TBC1D32: variants seen among roughly 807,000 people sequenced by gnomAD.
The protein encoded by TBC1D32 is TBC1 domain family member 32.
A neutral mutation model predicts 170.3 loss-of-function variants in TBC1D32; 151 were observed. The ratio of observed to expected loss-of-function variants is 0.89; its 90% confidence interval spans 0.78 to 1.01. The LOEUF (loss-of-function observed/expected upper bound fraction) is 1.01. TBC1D32 is among the 50% of genes least tolerant of loss of function. The pLI, the probability that TBC1D32 is intolerant of heterozygous loss-of-function variation, is 0.00. For synonymous variants in TBC1D32, 498 were observed against 488.0 expected (o/e 1.02, Z -0.27); for missense variants, 1,464 against 1,457.1 (o/e 1.00, Z -0.08).
intron 30 of TBC1D32, among the ~76,000 whole-genome samples, chr6:121,097,245 T>C (rs1003505114): frequency 1.3e-5 from 2 of 151,906 alleles, no homozygotes; most frequent in African/African-American, 4.8e-5. Flanking sequence ...GAAAATATCA[T>C]CAAAGTGAAT....
At chr6:121,304,343 C>T in intron 8 of TBC1D32, 22 bp downstream of exon 8, 2 of 1,610,910 alleles carry the variant, frequency 1.2e-6, no homozygotes, top group Non-Finnish European at 1.7e-6. Flanking sequence ...TTTATGCTGG[C>T]ATACATTGGG....
At chr6:121,239,583 G>A (rs1796695777) in intron 19 of TBC1D32, among the ~76,000 whole-genome samples, 1 of 152,052 alleles carries the variant, frequency 6.6e-6, no homozygotes, top group Admixed American at 6.6e-5. Flanking sequence ...CAGAGGTGAG[G>A]GGAGGAGAGA....
chr6:121,325,552 G>GGGAAAACTGGCTAGCCATACGC (rs1337204756), intron 1 of TBC1D32, among the ~76,000 whole-genome samples: 1 of 152,152 alleles, frequency 6.6e-6, no homozygotes, highest in African/African-American at 2.4e-5. Context: ...AAATGGTGTT[G>GGGAAAACTGGCTAGCCATACGC]GGAAAACTGG....
intron 24 of TBC1D32, among the ~76,000 whole-genome samples, chr6:121,148,590 C>G (rs190435140): frequency 6.6e-6 from 1 of 152,040 alleles, no homozygotes; most frequent in African/African-American, 2.4e-5. Context: ...GAAGTTTACA[C>G]TGTGACCAAC....
chr6:121,117,604 AAGC>A (rs2128203816), intron 26 of TBC1D32, among the ~76,000 whole-genome samples: 1 of 152,270 alleles, frequency 6.6e-6, no homozygotes, highest in Admixed American at 6.5e-5. Context: ...TGGGAGGCTG[AAGC>A]AGAAGAATTG....
At chr6:121,087,879 C>T (rs413998) in intron 31 of TBC1D32, among the ~76,000 whole-genome samples, 1,808 of 151,288 alleles carry the variant, frequency 0.012, 44 homozygotes, top group African/African-American at 0.042. Context: ...ATATGTAGAG[C>T]GAGGGGATAA....
At chr6:121,148,128 C>A (rs1001955765) in intron 24 of TBC1D32, among the ~76,000 whole-genome samples, 4 of 152,014 alleles carry the variant, frequency 2.6e-5, no homozygotes, top group African/African-American at 9.7e-5. Context: ...AATGCTATCC[C>A]ACCCCTTGCC....
chr6:121,196,876 T>C (rs1322332211), intron 22 of TBC1D32, among the ~76,000 whole-genome samples: 1 of 151,930 alleles, frequency 6.6e-6, no homozygotes, highest in African/African-American at 2.4e-5. Flanking sequence ...AATTAAGGAG[T>C]AGAAGTGGAG....
chr6:121,121,344 A>G (rs886289336), intron 26 of TBC1D32, among the ~76,000 whole-genome samples: 2 of 152,054 alleles, frequency 1.3e-5, no homozygotes, highest in Non-Finnish European at 2.9e-5. Flanking sequence ...TTGGGCAGTT[A>G]ATGGTAATAA....
chr6:121,242,546 T>A (rs764437731), intron 17 of TBC1D32, among the ~76,000 whole-genome samples: 11 of 152,134 alleles, frequency 7.2e-5, no homozygotes, highest in African/African-American at 2.7e-4. Flanking sequence ...TCTATACCTA[T>A]AATTTCTCTT....
intron 20 of TBC1D32, among the ~76,000 whole-genome samples, chr6:121,227,316 C>T (rs1285559215): frequency 3.3e-5 from 5 of 152,104 alleles, no homozygotes; most frequent in Non-Finnish European, 7.4e-5. Context: ...AAGCCATCTT[C>T]AAATAGTTTT....
intron 3 of TBC1D32, among the ~76,000 whole-genome samples, chr6:121,317,098 C>T (rs1809042385): frequency 6.6e-6 from 1 of 152,098 alleles, no homozygotes; most frequent in Non-Finnish European, 1.5e-5. Context: ...TAACAATTCA[C>T]AACAACTTTC....
In TBC1D32 at chr6:121,332,953, A is replaced by C. The variant is rs376000559; in HGVS notation, c.155+1323T>G. On this transcript the variant is annotated intron_variant, in intron 1 of 31. Transcript: ENST00000398212. Reference sequence around the variant, plus strand: ...GAAATTAGAAACTCCATTATTAATGAAGATTCCTTTCACACTTTTTAAAAC... The same window carrying C: ...GAAATTAGAAACTCCATTATTAATGCAGATTCCTTTCACACTTTTTAAAAC... Among the ~76,000 whole-genome samples the C allele has an allele frequency of 3.9e-5, 6 of 152,228 alleles. No homozygotes were observed. The East Asian group carries it at 1.2e-3, about 29-fold the overall frequency.
intron 19 of TBC1D32, among the ~76,000 whole-genome samples, chr6:121,240,214 T>C (rs1796775009): frequency 1.3e-5 from 2 of 152,036 alleles, no homozygotes; most frequent in Admixed American, 1.3e-4. Context: ...ACTCTGATGC[T>C]CAGAAGCTTA....
At chr6:121,278,696 C>A (rs1258559582) in intron 15 of TBC1D32, among the ~76,000 whole-genome samples, 1 of 151,834 alleles carries the variant, frequency 6.6e-6, no homozygotes, top group Non-Finnish European at 1.5e-5. Flanking sequence ...AAATATAATA[C>A]CATTTTTGTA....
intron 30 of TBC1D32, among the ~76,000 whole-genome samples, chr6:121,094,316 T>C (rs1777151570): frequency 6.6e-6 from 1 of 151,848 alleles, no homozygotes; most frequent in South Asian, 2.1e-4. Flanking sequence ...TACAGGTGTG[T>C]GCCAAGACCC....
intron 24 of TBC1D32, among the ~76,000 whole-genome samples, chr6:121,149,614 A>C (rs771863769): frequency 6.6e-6 from 1 of 152,036 alleles, no homozygotes. Context: ...CCATTGGTCT[A>C]TATATTTGTT....
At chr6:121,192,072 A>ATATATAG (rs1562844472) in intron 22 of TBC1D32, among the ~76,000 whole-genome samples, 13 of 139,156 alleles carry the variant, frequency 9.3e-5, no homozygotes, top group East Asian at 6.3e-4. Context: ...CCCTTTATAT[A>ATATATAG]TATATATATA....
chr6:121,307,985 A>G lies in TBC1D32; in HGVS notation c.681T>C (p.Pro227=). 1 of 1,612,464 alleles carries G rather than the reference A, an allele frequency of 6.2e-7. No individual in the cohort carries two copies. Among genetic ancestry groups the G allele is most frequent in the Non-Finnish European group, 8.5e-7 (1 of 1,179,486 alleles). ...KLTVSLSDPD[P]VFSDRILKFC... Reference sequence around the variant, plus strand: ...ATAACCATTTTCTTACACTAAACACAGGATCAGGATCTGAAAGAGACACGG... The same window carrying G: ...ATAACCATTTTCTTACACTAAACACGGGATCAGGATCTGAAAGAGACACGG... Residue 227 remains proline, a synonymous_variant, in exon 5 of 32, where the codon CCT becomes CCC. Transcript: ENST00000398212.
Sources: gnomAD v4.1 joint callset for allele counts (sites outside exome capture counted in the v4.1 genomes callset) on GRCh38, gnomAD v4.1.1 for gene constraint, MANE v1.5 for transcripts, NCBI Gene and HGNC (gene_info 2026-07-23, HGNC 2026-07-21) for gene names.